The following TXLNB variants were observed in gnomAD, a reference collection of about 807,000 sequenced individuals.
TXLNB encodes taxilin beta.
TXLNB carries 37 observed loss-of-function variants against 57.4 expected under a neutral mutation model. The ratio of observed to expected loss-of-function variants is 0.64; its 90% CI spans 0.50 to 0.85. The LOEUF is 0.85. Among genes scored for constraint, TXLNB ranks in the 40% least tolerant of loss-of-function variants. TXLNB has a pLI of 0.00. For missense variants in TXLNB, 848 were observed against 825.6 expected, an observed-to-expected ratio of 1.03 and a Z score of -0.33; for synonymous variants, 302 against 309.6, an observed-to-expected ratio of 0.98 and a Z score of 0.26.
chr6:139,173,180 G>T, the TXLNB span, among the ~76,000 whole-genome samples: 2 of 152,206 alleles, frequency 1.3e-5, no homozygotes, highest in African/African-American at 4.8e-5. Flanking sequence ...GCAGAGGTGG[G>T]GAGTATTTCA....
At chr6:139,193,055 C>G in the TXLNB span, among the ~76,000 whole-genome samples, 1 of 151,744 alleles carries the variant, frequency 6.6e-6, no homozygotes, top group African/African-American at 2.4e-5. Flanking sequence ...GTGGTCATTT[C>G]TCAGTCCTCA....
chr6:139,199,397 C>A, the TXLNB span, among the ~76,000 whole-genome samples: 1 of 152,110 alleles, frequency 6.6e-6, no homozygotes, highest in African/African-American at 2.4e-5. Flanking sequence ...TGTTATTGAA[C>A]ATTTCTTGAG....
intron 9 of TXLNB, 84 bp from the exon 10 acceptor site, chr6:139,243,398 G>C: frequency 5.0e-6 from 7 of 1,392,564 alleles, no homozygotes; most frequent in Non-Finnish European, 6.7e-6. Context: ...CTGGAAACAA[G>C]CAAAACTATT....
chr6:139,208,614 T>A, the TXLNB span, among the ~76,000 whole-genome samples: 1 of 152,188 alleles, frequency 6.6e-6, no homozygotes, highest in Non-Finnish European at 1.5e-5. Context: ...GGGTTTCATA[T>A]GGGTTTACAG....
chr6:139,314,918 C>T, the TXLNB span, among the ~76,000 whole-genome samples: 2 of 152,172 alleles, frequency 1.3e-5, no homozygotes, highest in African/African-American at 4.8e-5. Flanking sequence ...GAAAAGACCC[C>T]CTTCTTGCCT....
chr6:139,190,311 T>TTC, the TXLNB span, among the ~76,000 whole-genome samples: 8 of 139,070 alleles, frequency 5.8e-5, no homozygotes, highest in South Asian at 1.8e-3. Flanking sequence ...CTTTCTTTCT[T>TTC]TTTTTTTTTT....
At chr6:139,226,917 C>G in the TXLNB span, among the ~76,000 whole-genome samples, 5 of 152,148 alleles carry the variant, frequency 3.3e-5, no homozygotes, top group Non-Finnish European at 5.9e-5. Flanking sequence ...GTCCCAGCTA[C>G]GCGGGAGGCT....
chr6:139,287,699 C>G (rs1189033106), intron 2 of TXLNB, among the ~76,000 whole-genome samples: 1 of 152,186 alleles, frequency 6.6e-6, no homozygotes, highest in Non-Finnish European at 1.5e-5. Context: ...CCAGGAAAGA[C>G]AAGCAGAGGG....
chr6:139,208,222 CAACCCTTCT>C, the TXLNB span, among the ~76,000 whole-genome samples: 3 of 151,984 alleles, frequency 2.0e-5, no homozygotes, highest in Non-Finnish European at 2.9e-5. Flanking sequence ...TGAAAATATA[CAACCCTTCT>C]AGATTAAATC....
the TXLNB span, among the ~76,000 whole-genome samples, chr6:139,191,710 T>C: frequency 6.6e-6 from 1 of 152,244 alleles, no homozygotes; most frequent in Non-Finnish European, 1.5e-5. Context: ...GGAATACTTC[T>C]GTTACTTATT....
intron 7 of TXLNB, among the ~76,000 whole-genome samples, chr6:139,252,482 G>C (rs1776232404): frequency 6.6e-6 from 1 of 152,172 alleles, no homozygotes; most frequent in Admixed American, 6.5e-5. Context: ...GAATTTCAAA[G>C]GTAACTTGGA....
intron 7 of TXLNB, among the ~76,000 whole-genome samples, chr6:139,253,436 T>C (rs1004052967): frequency 6.6e-6 from 1 of 152,200 alleles, no homozygotes; most frequent in African/African-American, 2.4e-5. Context: ...TGAAAAGTCA[T>C]AGGCCTCTCA....
intron 3 of TXLNB, chr6:139,271,900 A>G (rs1776773233): frequency 6.6e-6 from 1 of 152,372 alleles, no homozygotes; most frequent in Admixed American, 6.5e-5. Flanking sequence ...GTGAACGGAA[A>G]GGAAAAGCCC....
the TXLNB span, among the ~76,000 whole-genome samples, chr6:139,308,976 T>C: frequency 1.3e-5 from 2 of 152,220 alleles, no homozygotes; most frequent in South Asian, 4.1e-4. Context: ...CAGGGTTCTG[T>C]CTACCCCTGT....
chr6:139,274,719 G>A (rs746956970), intron 3 of TXLNB, among the ~76,000 whole-genome samples: 5 of 152,150 alleles, frequency 3.3e-5, no homozygotes, highest in Non-Finnish European at 7.3e-5. Context: ...GTGCACTGTC[G>A]TGGGAATGTA....
intron 2 of TXLNB, among the ~76,000 whole-genome samples, chr6:139,284,868 A>C (rs1777135793): frequency 6.8e-6 from 1 of 146,476 alleles, no homozygotes; most frequent in Admixed American, 6.7e-5. Flanking sequence ...AACAACTGAA[A>C]GTTTAAAATG....
At chr6:139,234,836 A>T in the TXLNB span, among the ~76,000 whole-genome samples, 1 of 152,176 alleles carries the variant, frequency 6.6e-6, no homozygotes, top group East Asian at 1.9e-4. Context: ...ATCCACCAAC[A>T]GCCTGCACCA....
the TXLNB span, among the ~76,000 whole-genome samples, chr6:139,182,432 ATTAGT>A: frequency 7.2e-5 from 11 of 152,356 alleles, no homozygotes; most frequent in East Asian, 1.9e-3. Flanking sequence ...TTGGTAAGCA[ATTAGT>A]TTAATGGAAG....
the TXLNB span, among the ~76,000 whole-genome samples, chr6:139,318,269 CA>C: frequency 0.016 from 910 of 56,654 alleles, 5 homozygotes; most frequent in African/African-American, 0.042. Context: ...GACTCTGTCT[CA>C]AAAAAAAAAA....
Sources: gnomAD v4.1 joint callset for allele counts (sites outside exome capture counted in the v4.1 genomes callset) on GRCh38, gnomAD v4.1.1 for gene constraint, MANE v1.5 for transcripts, NCBI Gene and HGNC (gene_info 2026-07-23, HGNC 2026-07-21) for gene names.